SAMD14: variants seen among roughly 807,000 people sequenced by gnomAD.
SAMD14 encodes the protein sterile alpha motif domain-containing protein 14.
Under a neutral mutation model 46.2 loss-of-function variants are expected in SAMD14, and 27 were observed. The ratio of observed to expected loss-of-function variants is 0.58; its 90% CI spans 0.43 to 0.81. The LOEUF is 0.81. Among genes scored for constraint, SAMD14 ranks in the 30% least tolerant of loss-of-function variants. The pLI is 0.00. For missense variants in SAMD14, 559 were observed against 582.2 expected, an observed-to-expected ratio of 0.96 and a Z score of 0.41; for synonymous variants, 241 against 254.3, an observed-to-expected ratio of 0.95 and a Z score of 0.50.
Position 50,112,957 on chromosome 17 carries a change from T to A in SAMD14, c.1190A>T (p.Gln397Leu). 2 of 1,611,124 alleles carry A rather than the reference T, an allele frequency of 1.2e-6. No individual in the cohort carries two copies. Among genetic ancestry groups the A allele is most frequent in the Non-Finnish European group, 1.7e-6 (2 of 1,179,978 alleles). Residue 397 changes from glutamine (Q) to leucine (L), a missense_variant, in exon 10 of 10, where the codon CAG becomes CTG. Physicochemically the swap from Gln to Leu is moderately radical, Grantham distance 113. Transcript: ENST00000330175. The part of the protein sequence containing the change: ...AAAAEKERKA[Q>L]EKAARQREKL... ...CTCCCGCTGCCGCGCAGCCTTCTCC[T>A]GGGCCTTGCGCTCCTTCTCGGCAGC...
intron 2 of SAMD14, 112 bp downstream of exon 2, chr17:50,124,805 A>T (rs528013736): frequency 5.7e-4 from 584 of 1,019,014 alleles, no homozygotes; most frequent in Non-Finnish European, 8.8e-4. Context: ...ACACACACAC[A>T]CACTCTGAAG....
At chr17:50,117,840 G>T in intron 3 of SAMD14, 145 bp from the exon 4 acceptor site, 1 of 880,354 alleles carries the variant, frequency 1.1e-6, no homozygotes, top group Non-Finnish European at 1.6e-6. Flanking sequence ...GCAGCGGGGT[G>T]GCTGGAGAGT....
rs1346443692 is a variant in SAMD14 at position 50,110,113 on chromosome 17, T to C, written c.*2780A>G. On this transcript the variant is annotated 3_prime_UTR_variant, in exon 10 of 10. Coordinates refer to ENST00000330175, the MANE Select transcript of SAMD14 (RefSeq NM_001257359.2). ...CGTCAGCTAAGGGCCGCCGTGCATCTGCACCTGAGAGGACGGACTGCCGCC... is the reference window on the plus strand; with the variant it reads ...CGTCAGCTAAGGGCCGCCGTGCATCCGCACCTGAGAGGACGGACTGCCGCC... The C allele has an allele frequency of 1.9e-6, 3 of 1,581,852 alleles. No homozygotes were observed. Among genetic ancestry groups the C allele is most frequent in the East Asian group, 2.3e-5 (1 of 43,878 alleles).
rs1383373433 is a variant in SAMD14, at chr17:50,111,567, C to T, written c.*1326G>A. 6.6e-6 allele frequency: 1 copy of T among 152,260 alleles called. No individual in the cohort carries two copies. The highest frequency in any genetic ancestry group is 1.5e-5 in the Non-Finnish European group (1 of 68,072). 9.4% of individuals were successfully genotyped at this position (152,260 alleles called of 1,614,324 possible). A position where few individuals can be genotyped will look rare whatever the true frequency, so the allele number is the denominator to read the frequency against. On this transcript the variant is annotated 3_prime_UTR_variant, in exon 10 of 10. Coordinates refer to ENST00000330175, the MANE Select transcript of SAMD14 (RefSeq NM_001257359.2). ...GGTACAGGGTGCTGGCCGTAAGCCA[C>T]AGCCCCTGGGCAGGAATGAGGGAGC...
chr17:50,116,081 C>T lies in SAMD14; in HGVS notation c.509G>A (p.Arg170His), dbSNP rs551801846. 33 of 1,613,402 alleles carry T rather than the reference C, an allele frequency of 2.0e-5. No homozygotes were observed. The highest frequency in any genetic ancestry group is 5.3e-5 in the African/African-American group (4 of 75,030). ...GGCGGGCTCAGGAGGACTGGCGTCA[C>T]GGCTGTCATCTTTCCAGGGAGAGAA... ...RAEPHSEDDS[R>H]DASPPEPASP... is the part of the protein sequence containing the mutation. Residue 170 changes from arginine (R) to histidine (H), a missense_variant, in exon 5 of 10, where the codon CGT becomes CAT. By Grantham distance (29) the Arg-to-His change is conservative. Transcript: ENST00000330175.
Position 50,129,109 on chromosome 17 carries a change from C to A in SAMD14, c.-13+408G>T, listed in dbSNP as rs981445767. ...CTTGGGGTAGTCCTCAGGAGTCGGG[C>A]ACCCCCTCAAAGCACTGTTGGAGAT... On this transcript the variant is annotated intron_variant, in intron 1 of 9. Transcript: ENST00000330175. The surrounding 1 kb of genome is among the most constrained non-coding windows in gnomAD (Gnocchi z 5.6). Among the ~76,000 whole-genome samples the A allele has an allele frequency of 3.3e-5, 5 of 152,240 alleles. No individual in the cohort carries two copies. In the Middle Eastern group the frequency reaches 0.01, roughly 311 times the overall value.
chr17:50,116,459 G>T (rs1316774773), intron 4 of SAMD14, among the ~76,000 whole-genome samples: 1 of 142,354 alleles, frequency 7.0e-6, no homozygotes, highest in Non-Finnish European at 1.5e-5. Flanking sequence ...AGGCTGGAGT[G>T]CAATGGCGTG....
intron 1 of SAMD14, among the ~76,000 whole-genome samples, chr17:50,127,963 A>C (rs915187979): frequency 7.2e-5 from 11 of 152,124 alleles, no homozygotes; most frequent in African/African-American, 2.7e-4. Flanking sequence ...GGAAATGGGG[A>C]ATTCTTCATA....
chr17:50,126,123 G>A (rs1389629360), intron 1 of SAMD14, among the ~76,000 whole-genome samples: 1 of 152,102 alleles, frequency 6.6e-6, no homozygotes, highest in Non-Finnish European at 1.5e-5. Context: ...CTGCATGGCT[G>A]AGACATGACC....
rs1911332702 is a variant in SAMD14 at position 50,118,170 on chromosome 17, G to C, written c.201C>G (p.Pro67=). The C allele has an allele frequency of 1.3e-6, 2 of 1,598,200 alleles. No individual in the cohort carries two copies. The highest frequency in any genetic ancestry group is 2.3e-5 in the East Asian group (1 of 44,422). Residue 67 remains proline (P), a synonymous_variant, in exon 3 of 10, where the codon CCC becomes CCG. Transcript: ENST00000330175. ...CCTAACTTGCCCCAACCTTGCCTCCGGGCCCATCCGAGCCTTCACCATCCT... is the reference window on the plus strand; with the variant it reads ...CCTAACTTGCCCCAACCTTGCCTCCCGGCCCATCCGAGCCTTCACCATCCT... The part of the protein sequence containing the change: ...SAEDGEGSDG[P]GGKVTDGCGS...
rs1201359682 is a variant in SAMD14 at position 50,129,198 on chromosome 17, G to C, written c.-13+319C>G. Among the ~76,000 whole-genome samples, 1 of 152,112 alleles carries C rather than the reference G, an allele frequency of 6.6e-6. No homozygotes were observed. The highest frequency in any genetic ancestry group is 1.5e-5 in the Non-Finnish European group (1 of 68,014). ...GAGCCCTTCTCCCCAGTCAGAGCCCGGTGGCTAGTTTCTCTCCAAACCATC... is the reference window on the plus strand; with the variant it reads ...GAGCCCTTCTCCCCAGTCAGAGCCCCGTGGCTAGTTTCTCTCCAAACCATC... On this transcript the variant is annotated intron_variant, in intron 1 of 9. Coordinates refer to ENST00000330175, the MANE Select transcript of SAMD14 (RefSeq NM_001257359.2). This position sits in a 1 kb window ranked among gnomAD's most constrained non-coding sequence, Gnocchi z 5.6.
intron 2 of SAMD14, 148 bp downstream of exon 2, chr17:50,124,769 G>GCACACA (rs779175185): frequency 1.4e-4 from 66 of 476,868 alleles, no homozygotes; most frequent in African/African-American, 3.5e-4. Flanking sequence ...GCACGCGCGC[G>GCACACA]CGCACACACA....
At chr17:50,117,282 A>T in intron 4 of SAMD14, 125 bp downstream of exon 4, 2 of 944,118 alleles carry the variant, frequency 2.1e-6, no homozygotes, top group Non-Finnish European at 2.8e-6. Context: ...GGCGGCGTTT[A>T]CTCTTCACCT....
Position 50,112,770 on chromosome 17 carries a change from C to G in SAMD14, c.*123G>C. 1 of 1,150,202 alleles carries G rather than the reference C, an allele frequency of 8.7e-7. No individual in the cohort carries two copies. Among genetic ancestry groups the G allele is most frequent in the Non-Finnish European group, 1.2e-6 (1 of 823,444 alleles). 71.2% of individuals were successfully genotyped at this position (1,150,202 alleles called of 1,614,324 possible). The stretch of plus-strand genomic sequence containing the variant: ...TGACAGGGTAAGAGAGAGCATGTCC[C>G]CCCTGAGAGCGTGGGACCAGGCTAG... On this transcript the variant is annotated 3_prime_UTR_variant, in exon 10 of 10. Coordinates refer to ENST00000330175, the MANE Select transcript of SAMD14 (RefSeq NM_001257359.2).
At chr17:50,122,851 C>T (rs538152132) in intron 2 of SAMD14, among the ~76,000 whole-genome samples, 2 of 151,974 alleles carry the variant, frequency 1.3e-5, no homozygotes, top group East Asian at 1.9e-4. Context: ...GCACAGCCTG[C>T]GAGGGGAAGG....
chr17:50,125,135 C>T, intron 1 of SAMD14, 164 bp from the exon 2 acceptor site: 1 of 643,860 alleles, frequency 1.6e-6, no homozygotes, highest in East Asian at 2.8e-5. Flanking sequence ...CCACTGGAAT[C>T]ATAACCCAGA....
chr17:50,125,496 C>G (rs933987084), intron 1 of SAMD14: 1 of 167,212 alleles, frequency 6.0e-6, no homozygotes, highest in Admixed American at 5.8e-5. Flanking sequence ...TTCTACCATC[C>G]GTCTACCCAC....
intron 3 of SAMD14, 119 bp from the exon 4 acceptor site, chr17:50,117,814 T>C: frequency 7.3e-6 from 8 of 1,091,056 alleles, no homozygotes; most frequent in African/African-American, 1.7e-5. Context: ...AGAGGGAGGG[T>C]TTCCTCATGC....
At chr17:50,119,720 A>G (rs1035176739) in intron 2 of SAMD14, among the ~76,000 whole-genome samples, 1 of 152,146 alleles carries the variant, frequency 6.6e-6, no homozygotes, top group Non-Finnish European at 1.5e-5. Context: ...AAGTCGCCCG[A>G]GTCAGACAGC....
Sources: gnomAD v4.1 joint callset for allele counts (sites outside exome capture counted in the v4.1 genomes callset) on GRCh38, gnomAD v4.1.1 for gene constraint, Gnocchi (gnomAD v3.1) non-coding constraint, MANE v1.5 for transcripts, NCBI Gene and HGNC (gene_info 2026-07-23, HGNC 2026-07-21) for gene names.